The following UBA1 variants were observed in gnomAD, a reference collection of about 807,000 sequenced individuals.
UBA1 encodes the protein ubiquitin-like modifier-activating enzyme 1.
UBA1 carries 4 observed loss-of-function variants against 84.7 expected under a neutral mutation model. That is an observed-to-expected ratio of 0.05 (90% CI 0.02 to 0.11). The LOEUF is 0.11. UBA1 is among the 10% of genes least tolerant of loss of function. The pLI, the probability that UBA1 is intolerant of heterozygous loss-of-function variation, is 1.00. For missense variants in UBA1, 513 were observed against 902.8 expected, an observed-to-expected ratio of 0.57 and a Z score of 5.53; for synonymous variants, 364 against 362.6, an observed-to-expected ratio of 1.00 and a Z score of -0.04.
chrX:47,210,930 C>G lies in UBA1; in HGVS notation c.2274+14C>G. 4.1e-6 allele frequency: 5 copies of G among 1,210,859 alleles called. No individual in the cohort carries two copies. Among genetic ancestry groups the G allele is most frequent in the Non-Finnish European group, 5.6e-6 (5 of 894,840 alleles). On this transcript the variant is annotated intron_variant, in intron 19 of 25. Coordinates refer to ENST00000335972, the MANE Select transcript of UBA1 (RefSeq NM_003334.4). Reference sequence around the variant, plus strand: ...GATGTCAACAATGTAAGTCTCCTTTCTAGGGTCTTCTGGGGTCAGGTGGAG... The same window carrying G: ...GATGTCAACAATGTAAGTCTCCTTTGTAGGGTCTTCTGGGGTCAGGTGGAG...
chrX:47,201,467 C>G lies in UBA1; in HGVS notation c.679-11C>G. The G allele has an allele frequency of 8.3e-7, 1 of 1,211,997 alleles. No homozygotes were observed. Among genetic ancestry groups the G allele is most frequent in the South Asian group, 1.8e-5 (1 of 56,993 alleles). ...GGGCCTGTTTCTGAGACTCACTCTT[C>G]CTTTAACCAGGACAACCCCGGTGTG... On this transcript the variant is annotated splice_polypyrimidine_tract_variant and intron_variant, in intron 7 of 25. Transcript: ENST00000335972.
At position 47,212,976 on chromosome X, in the gene UBA1, C is replaced by T. The variant is rs781968494; in HGVS notation, c.2647-14C>T. ...ACTTAACTACCACCTTCTTTTGTCC[C>T]TTCTGTCTCTCAGAGCAAGCTGATT... On this transcript the variant is annotated splice_polypyrimidine_tract_variant and intron_variant, in intron 22 of 25. Transcript: ENST00000335972. 5.0e-6 allele frequency: 6 copies of T among 1,211,790 alleles called. No individual in the cohort carries two copies. In the South Asian group the frequency reaches 7.0e-5, roughly 14 times the overall value.
chrX:47,206,098 G>T lies in UBA1; in HGVS notation c.1726G>T (p.Asp576Tyr). 8.3e-7 allele frequency: 1 copy of T among 1,203,746 alleles called. No individual in the cohort carries two copies. The highest frequency in any genetic ancestry group is 1.1e-6 in the Non-Finnish European group (1 of 891,300). ...QNLDGVANAL[D>Y]NVDARMYMDR... ...CCTAGATGGCGTGGCCAATGCCCTG[G>T]ACAACGTGGATGCCCGTGAGTTTGG... The change falls in exon 15 of 26, where the codon GAC becomes TAC. Residue 576 changes from aspartate (D) to tyrosine (Y), a missense_variant. Asp to Tyr is a radical substitution (Grantham distance 160). Around this residue, in one of 6 missense-constraint regions of UBA1, gnomAD observed 55 missense variants for 104.8 expected, o/e 0.52. Transcript: ENST00000335972.
chrX:47,190,893 G>T (rs1399898604), upstream of UBA1: 1 of 112,914 alleles, frequency 8.9e-6, no homozygotes, highest in African/African-American at 3.2e-5. Context: ...CTCTTCCGTT[G>T]CCCCGTGGCT....
At chrX:47,209,594 C>T in intron 16 of UBA1, 29 bp from the exon 17 acceptor site, 1 of 1,200,828 alleles carries the variant, frequency 8.3e-7, no homozygotes, top group Non-Finnish European at 1.1e-6. Flanking sequence ...CAACTGTGGC[C>T]ACATGTAATC....
chrX:47,201,044 C>A lies in UBA1; in HGVS notation c.587+44C>A, dbSNP rs782374528. On this transcript the variant is annotated intron_variant, in intron 6 of 25. Transcript: ENST00000335972. ...CCCTCCCTGTCCCCTTTTCCCCCAA[C>A]TCCTACCAAGCCCAGGCCAAGACTC... 1.5e-5 allele frequency: 16 copies of A among 1,088,773 alleles called. No individual in the cohort carries two copies. In the African/African-American group the frequency reaches 2.2e-4, roughly 15 times the overall value. The allele number at this position is 1,088,773 out of a possible 1,213,427, so 89.7% of individuals were successfully genotyped here.
chrX:47,203,359 G>A (rs782516985), intron 13 of UBA1, 145 bp downstream of exon 13: 44 of 832,382 alleles, frequency 5.3e-5, no homozygotes, highest in East Asian at 1.3e-4. Flanking sequence ...TGCATCCCTC[G>A]TTTCCCCTTC....
In UBA1 at chrX:47,206,424, G is replaced by A; in HGVS notation, c.1918G>A (p.Ala640Thr). Residue 640 changes from alanine to threonine, a missense_variant, in exon 16 of 26, where the codon GCC (alanine) becomes ACC (threonine). Coordinates refer to ENST00000335972, the MANE Select transcript of UBA1 (RefSeq NM_003334.4). ...CTGTACCCTGAAGAACTTCCCTAATGCCATCGAGCACACCCTGCAGGTGAT... is the reference window on the plus strand; with the variant it reads ...CTGTACCCTGAAGAACTTCCCTAATACCATCGAGCACACCCTGCAGGTGAT... ...PICTLKNFPN[A>T]IEHTLQWARD... The A allele has an allele frequency of 8.3e-7, 1 of 1,212,010 alleles. No homozygotes were observed. The highest frequency in any genetic ancestry group is 1.8e-5 in the South Asian group (1 of 56,992).
intron 8 of UBA1, 126 bp from the exon 9 acceptor site, chrX:47,202,030 C>T: frequency 3.4e-6 from 2 of 586,456 alleles, no homozygotes; most frequent in Non-Finnish European, 5.8e-6. Context: ...CAAGTGGAGC[C>T]TGGAGCTGAG....
intron 22 of UBA1, 33 bp from the exon 23 acceptor site, chrX:47,212,957 C>G: frequency 1.7e-6 from 2 of 1,211,253 alleles, no homozygotes; most frequent in South Asian, 1.8e-5. Context: ...TTGTACTTAA[C>G]TACCACCTTC....
rs1262504002 is a variant in UBA1, at chrX:47,212,857, G to C, written c.2640G>C (p.Arg880=). ...AENYDIPSAD[R]HKSKLIAGKI... is the part of the protein sequence containing the mutation. ...ACTATGACATTCCTTCTGCAGACCGGCACAAGGTGAGGGGAATCTAAATCT... is the reference window on the plus strand; with the variant it reads ...ACTATGACATTCCTTCTGCAGACCGCCACAAGGTGAGGGGAATCTAAATCT... Residue 880 remains arginine, a synonymous_variant, in exon 22 of 26, where the codon CGG becomes CGC. Coordinates refer to ENST00000335972, the MANE Select transcript of UBA1 (RefSeq NM_003334.4). 2.5e-6 allele frequency: 3 copies of C among 1,209,255 alleles called. No homozygotes were observed. Among genetic ancestry groups the C allele is most frequent in the Non-Finnish European group, 3.4e-6 (3 of 894,732 alleles).
Position 47,209,687 on chromosome X carries a change from C to T in UBA1, c.2003C>T (p.Thr668Ile), listed in dbSNP as rs1556792730. 2.1e-5 allele frequency: 26 copies of T among 1,210,847 alleles called. No individual in the cohort carries two copies. In the East Asian group the frequency reaches 5.9e-4, roughly 28 times the overall value. ...GCAGAAAATGTCAACCAGTACCTCA[C>T]GTGAGTAACTCGAGTGCCCTCTCGC... ...QPAENVNQYLTDPKFVERTLR... is the reference protein window; with the variant it reads ...QPAENVNQYLIDPKFVERTLR... Residue 668 changes from threonine (T) to isoleucine (I), a missense_variant and splice_region_variant, in exon 17 of 26, where the codon ACA (threonine) becomes ATA (isoleucine). Transcript: ENST00000335972.
Position 47,198,785 on chromosome X carries a change from G to A in UBA1, c.1-18G>A. ...ACCCATGTGCTCCAGGGTCACCTCT[G>A]ACCTTTTTTTCCTCCAGATGTCCAG... On this transcript the variant is annotated intron_variant, in intron 1 of 25. Coordinates refer to ENST00000335972, the MANE Select transcript of UBA1 (RefSeq NM_003334.4). 1 of 1,207,602 alleles carries A rather than the reference G, an allele frequency of 8.3e-7. No individual in the cohort carries two copies. Among genetic ancestry groups the A allele is most frequent in the Non-Finnish European group, 1.1e-6 (1 of 891,967 alleles).
At chrX:47,210,575 C>T (rs969313095) in intron 18 of UBA1, among the ~76,000 whole-genome samples, 1 of 111,816 alleles carries the variant, frequency 8.9e-6, no homozygotes, top group Non-Finnish European at 1.9e-5. Flanking sequence ...AGTACAATGC[C>T]TGGTAATCCA....
chrX:47,201,561 G>C lies in UBA1; in HGVS notation c.762G>C (p.Gln254His), dbSNP rs1437634484. The change falls in exon 8 of 26, where the codon CAG (glutamine) becomes CAC (histidine). Residue 254 changes from glutamine (Q) to histidine (H), a missense_variant. Coordinates refer to ENST00000335972, the MANE Select transcript of UBA1 (RefSeq NM_003334.4). ...SGDFVSFSEV[Q>H]GMVELNGNQP... The stretch of plus-strand genomic sequence containing the variant: ...ACTTTGTCTCCTTTTCAGAAGTACA[G>C]GGCATGGTTGAACTCAACGGAAATC... The C allele has an allele frequency of 2.5e-6, 3 of 1,210,395 alleles. No individual in the cohort carries two copies. In the African/African-American group the frequency reaches 5.2e-5, roughly 21 times the overall value.
intron 14 of UBA1, among the ~76,000 whole-genome samples, chrX:47,204,520 G>T (rs1279075698): frequency 9.0e-6 from 1 of 111,388 alleles, no homozygotes; most frequent in African/African-American, 3.3e-5. Context: ...TCATGTAGGC[G>T]CCCCCTTCCT....
chrX:47,213,832 A>AC (rs1937030438), intron 23 of UBA1, among the ~76,000 whole-genome samples: 1 of 108,894 alleles, frequency 9.2e-6, no homozygotes, highest in Admixed American at 9.8e-5. Flanking sequence ...GCGCCATTGC[A>AC]CTCCCGCCTG....
At chrX:47,201,440 C>T (rs1556787971) in intron 7 of UBA1, 38 bp from the exon 8 acceptor site, 2 of 1,211,792 alleles carry the variant, frequency 1.7e-6, no homozygotes. Context: ...TCTTGGTACC[C>T]TGGGCCTGTT....
At chrX:47,209,711 G>T in intron 17 of UBA1, 24 bp downstream of exon 17, 1 of 1,203,844 alleles carries the variant, frequency 8.3e-7, no homozygotes, top group South Asian at 1.8e-5. Flanking sequence ...GTGCCCTCTC[G>T]CCCTGTCCCT....
Sources: gnomAD v4.1 joint callset for allele counts (sites outside exome capture counted in the v4.1 genomes callset) on GRCh38, gnomAD v4.1.1 for gene constraint, gnomAD v4.1.1 regional missense constraint, MANE v1.5 for transcripts, NCBI Gene and HGNC (gene_info 2026-07-23, HGNC 2026-07-21) for gene names.